RRM2: variants seen among roughly 807,000 people sequenced by gnomAD.
RRM2 encodes ribonucleoside-diphosphate reductase subunit M2.
Under a neutral mutation model 45.9 loss-of-function variants are expected in RRM2, and 6 were observed. The ratio of observed to expected loss-of-function variants is 0.13; its 90% CI spans 0.07 to 0.26. The LOEUF is 0.26. RRM2 is among the 10% of genes least tolerant of loss of function. The pLI is 1.00. For synonymous variants in RRM2, 177 were observed against 173.0 expected (o/e 1.02, Z -0.18); for missense variants, 343 against 489.5 (o/e 0.70, Z 2.82).
chr2:10,189,505 C>G (rs1277652036), intron 3 of RRM2, among the ~76,000 whole-genome samples: 9 of 152,238 alleles, frequency 5.9e-5, no homozygotes, highest in Non-Finnish European at 1.3e-4. Flanking sequence ...GCCAATGAGC[C>G]CACCAGCAGC....
chr2:10,153,213 A>AG (rs1189217410), intron 3 of RRM2, among the ~76,000 whole-genome samples: 5 of 152,112 alleles, frequency 3.3e-5, no homozygotes, highest in African/African-American at 4.8e-5. Context: ...GCGCACCTGT[A>AG]GTCCCAGCTA....
In RRM2 at chr2:10,205,226, G is replaced by C. The variant is rs1008274372; in HGVS notation, n.483-5085G>C. 3.3e-5 allele frequency among the ~76,000 whole-genome samples: 5 copies of C among 152,242 alleles called. No homozygotes were observed. The highest frequency in any genetic ancestry group is 9.6e-5 in the African/African-American group (4 of 41,456). On this transcript the variant is annotated intron_variant and non_coding_transcript_variant, in intron 3 of 3. Transcript: ENST00000381786. This position sits in a 1 kb window ranked among gnomAD's most constrained non-coding sequence, Gnocchi z 4.8. ...GCGTGGAGCAGGGGCTGAGGCCTGA[G>C]CGGTGAGTGGGGCTCGGTATTGACG...
At chr2:10,158,704 T>C (rs779804162) in intron 3 of RRM2, among the ~76,000 whole-genome samples, 4 of 152,124 alleles carry the variant, frequency 2.6e-5, no homozygotes, top group Admixed American at 6.5e-5. Context: ...CTCAAACTTA[T>C]TATGCTTATT....
At chr2:10,153,359 C>T (rs992417090) in intron 3 of RRM2, among the ~76,000 whole-genome samples, 1 of 152,024 alleles carries the variant, frequency 6.6e-6, no homozygotes, top group East Asian at 1.9e-4. Flanking sequence ...TTTGACTCTG[C>T]GATACAAAGA....
chr2:10,201,342 T>A (rs2357468), intron 3 of RRM2, among the ~76,000 whole-genome samples: 24 of 151,950 alleles, frequency 1.6e-4, no homozygotes, highest in South Asian at 6.2e-4. Context: ...TGTTGATAGC[T>A]CAAAAGAAAA....
At chr2:10,164,971 G>A (rs1020525084) in intron 3 of RRM2, among the ~76,000 whole-genome samples, 2 of 152,182 alleles carry the variant, frequency 1.3e-5, no homozygotes, top group African/African-American at 2.4e-5. Flanking sequence ...GAATTCTGCC[G>A]CACAGAGGGG....
rs574906421 is a variant in RRM2, at chr2:10,129,700, A to G, written c.*314A>G. ...AAACAGTCCTTTAACCAGCACAGCC[A>G]GTTAAAAGATGCAGCCTCACTGCTT... On this transcript the variant is annotated 3_prime_UTR_variant, in exon 10 of 10. Coordinates refer to ENST00000304567, the MANE Select transcript of RRM2 (RefSeq NM_001034.4). This position sits in a 1 kb window ranked among gnomAD's most constrained non-coding sequence, Gnocchi z 4.8. The G allele has an allele frequency of 3.0e-5, 8 of 270,132 alleles. No homozygotes were observed. The highest frequency in any genetic ancestry group is 1.1e-3 in the Middle Eastern group (1 of 930). The allele number at this position is 270,132 out of a possible 1,614,324, so 16.7% of individuals were successfully genotyped here.
chr2:10,210,565 CCCA>C lies in RRM2; in HGVS notation n.741_743del, dbSNP rs781687369. 17 of 1,366,214 alleles carry C rather than the reference CCCA, an allele frequency of 1.2e-5. No homozygotes were observed. In the East Asian group the frequency reaches 7.7e-4, roughly 62 times the overall value. 84.6% of individuals were successfully genotyped at this position (1,366,214 alleles called of 1,614,324 possible). ...CACACAGGCCTGCGGAGCAGGTGGACCCACCATTCTCAGACCCCCCAGGGCCCC... is the reference window on the plus strand; with the variant it reads ...CACACAGGCCTGCGGAGCAGGTGGACCCATTCTCAGACCCCCCAGGGCCCC... On this transcript the variant is annotated non_coding_transcript_exon_variant, in exon 4 of 4. Transcript: ENST00000381786.
At chr2:10,133,538 G>A (rs375298170), downstream of RRM2, among the ~76,000 whole-genome samples, 3 of 152,090 alleles carry the variant, frequency 2.0e-5, no homozygotes, top group South Asian at 2.1e-4. Context: ...ACAGGCACAG[G>A]CCCAGCCCCT....
chr2:10,204,683 G>A lies in RRM2; in HGVS notation n.483-5628G>A, dbSNP rs1396656814. Among the ~76,000 whole-genome samples the A allele has an allele frequency of 2.0e-5, 3 of 152,270 alleles. No individual in the cohort carries two copies. The highest frequency in any genetic ancestry group is 6.5e-5 in the Admixed American group (1 of 15,290). On this transcript the variant is annotated intron_variant and non_coding_transcript_variant, in intron 3 of 3. Coordinates refer to the RRM2 transcript ENST00000381786. The surrounding 1 kb of genome is among the most constrained non-coding windows in gnomAD (Gnocchi z 4.0). ...GATTCTGCCTGGCTTTTGTGAACAC[G>A]TCTGCGCTGACTAATTTGTTTAATT... is the stretch of plus-strand genomic sequence containing the variant.
At position 10,124,579 on chromosome 2, in the gene RRM2, G is replaced by T. The variant is rs987982949; in HGVS notation, c.436-138G>T. 5 of 920,836 alleles carry T rather than the reference G, an allele frequency of 5.4e-6. No homozygotes were observed. In the African/African-American group the frequency reaches 6.7e-5, roughly 12 times the overall value. The allele number at this position is 920,836 out of a possible 1,614,324, so 57.0% of individuals were successfully genotyped here. A position where few individuals can be genotyped will look rare whatever the true frequency, so the allele number is the denominator to read the frequency against. On this transcript the variant is annotated intron_variant, in intron 4 of 9. Coordinates refer to ENST00000304567, the MANE Select transcript of RRM2 (RefSeq NM_001034.4). Reference sequence around the variant, plus strand: ...TGAGCATATGACATAAAATATCAAAGAATTGTGACAAATTGGATGAAATAT... The same window carrying T: ...TGAGCATATGACATAAAATATCAAATAATTGTGACAAATTGGATGAAATAT...
intron 3 of RRM2, among the ~76,000 whole-genome samples, chr2:10,188,203 G>A (rs741263): frequency 0.32 from 48,113 of 152,156 alleles, 7,895 homozygotes; most frequent in South Asian, 0.48. Flanking sequence ...TGGGCAGCCC[G>A]GTGGTCCTGC....
chr2:10,123,878 C>G lies in RRM2; in HGVS notation c.435+26C>G, dbSNP rs774181974. 8.6e-6 allele frequency: 11 copies of G among 1,283,530 alleles called. No individual in the cohort carries two copies. The Admixed American group carries it at 1.7e-4, about 20-fold the overall frequency. The allele number at this position is 1,283,530 out of a possible 1,614,324, so 79.5% of individuals were successfully genotyped here. On this transcript the variant is annotated intron_variant, in intron 4 of 9. Coordinates refer to ENST00000304567, the MANE Select transcript of RRM2 (RefSeq NM_001034.4). ...GTGAGTTTCCAAAACATCTTTCATT[C>G]ATTTGACGTTGACGATCTGAGGTCG...
upstream of RRM2, among the ~76,000 whole-genome samples, chr2:10,137,381 G>C (rs1048586525): frequency 1.3e-5 from 2 of 152,252 alleles, no homozygotes; most frequent in East Asian, 1.9e-4. Flanking sequence ...GAGTCATATG[G>C]AAGGGTTTGG....
At chr2:10,126,481 A>G (rs2125307101) in intron 5 of RRM2, 1 of 177,068 alleles carries the variant, frequency 5.6e-6, no homozygotes, top group East Asian at 1.6e-4. Flanking sequence ...TAGTCTGATA[A>G]TAGCACAGCA....
intron 3 of RRM2, among the ~76,000 whole-genome samples, chr2:10,186,293 G>A (rs550148367): frequency 1.3e-5 from 2 of 151,472 alleles, no homozygotes; most frequent in Admixed American, 6.6e-5. Flanking sequence ...GATTACAGGC[G>A]CGCACCGCCA....
chr2:10,203,853 C>A (rs191658824), intron 3 of RRM2, among the ~76,000 whole-genome samples: 68 of 152,134 alleles, frequency 4.5e-4, no homozygotes, highest in African/African-American at 1.5e-3. Context: ...ACGGTTAAGT[C>A]AAACTCTCAG....
At chr2:10,137,786 TCCCTC>T (rs1663016690), upstream of RRM2, among the ~76,000 whole-genome samples, 1 of 152,074 alleles carries the variant, frequency 6.6e-6, no homozygotes, top group African/African-American at 2.4e-5. Context: ...CTCTGAGTCT[TCCCTC>T]TCCTCTACTT....
chr2:10,133,554 G>A (rs796245430), downstream of RRM2, among the ~76,000 whole-genome samples: 38 of 152,292 alleles, frequency 2.5e-4, no homozygotes, highest in African/African-American at 8.4e-4. Context: ...CCCCTCATCC[G>A]TGAGTGGCTG....
Sources: gnomAD v4.1 joint callset for allele counts (sites outside exome capture counted in the v4.1 genomes callset) on GRCh38, gnomAD v4.1.1 for gene constraint, Gnocchi (gnomAD v3.1) non-coding constraint, MANE v1.5 for transcripts, NCBI Gene and HGNC (gene_info 2026-07-23, HGNC 2026-07-21) for gene names.